The following EGFR variants were observed in gnomAD, a reference collection of about 807,000 sequenced individuals.
The protein encoded by EGFR is avian erythroblastic leukemia viral (v-erb-b) oncogene homolog.
EGFR carries 58 observed loss-of-function variants against 143.0 expected under a neutral mutation model. That is an observed-to-expected ratio of 0.41 (90% CI 0.33 to 0.50). EGFR has a LOEUF of 0.50. EGFR is among the 20% of genes least tolerant of loss of function. EGFR has a pLI of 0.39. For synonymous variants in EGFR, 613 were observed against 594.4 expected (o/e 1.03, Z -0.45); for missense variants, 1,307 against 1,579.0 (o/e 0.83, Z 2.92).
intron 1 of EGFR, among the ~76,000 whole-genome samples, chr7:55,090,543 A>C (rs1306127067): frequency 6.6e-6 from 1 of 152,212 alleles, no homozygotes; most frequent in Non-Finnish European, 1.5e-5. Flanking sequence ...GCATAACATG[A>C]AGGCATTTAA....
chr7:55,189,700 C>T (rs1787302179), intron 20 of EGFR, among the ~76,000 whole-genome samples: 1 of 152,170 alleles, frequency 6.6e-6, no homozygotes, highest in South Asian at 2.1e-4. Context: ...CACTCCTGCT[C>T]AACAGCTACC....
intron 1 of EGFR, among the ~76,000 whole-genome samples, chr7:55,124,495 A>G (rs1793402937): frequency 6.6e-6 from 1 of 152,222 alleles, no homozygotes; most frequent in African/African-American, 2.4e-5. Flanking sequence ...TTGAAAAACT[A>G]TAGAGGGCTT....
At chr7:55,088,054 AAC>A (rs3063038) in intron 1 of EGFR, among the ~76,000 whole-genome samples, 76,453 of 150,554 alleles carry the variant, frequency 0.51, 20,231 homozygotes, top group East Asian at 0.9. Flanking sequence ...TCAGGGTATA[AAC>A]ACACACACAC....
At chr7:55,127,819 AG>A (rs138278962) in intron 1 of EGFR, among the ~76,000 whole-genome samples, 2,496 of 152,308 alleles carry the variant, frequency 0.016, 76 homozygotes, top group African/African-American at 0.057. Flanking sequence ...GAAAAACAAA[AG>A]CTTGCTTCAG....
chr7:55,114,313 G>A (rs1792697643), intron 1 of EGFR, among the ~76,000 whole-genome samples: 1 of 152,142 alleles, frequency 6.6e-6, no homozygotes, highest in African/African-American at 2.4e-5. Context: ...GGGCAAGGCA[G>A]GAGGATCACT....
At chr7:55,174,640 T>G in intron 18 of EGFR, 82 bp from the exon 19 acceptor site, 1 of 1,203,180 alleles carries the variant, frequency 8.3e-7, no homozygotes, top group Non-Finnish European at 1.2e-6. Flanking sequence ...GCATCGCTGG[T>G]AACATCCACC....
chr7:55,076,739 A>G lies in EGFR; in HGVS notation c.88+57374A>G, dbSNP rs367657370. On this transcript the variant is annotated intron_variant, in intron 1 of 27. Transcript: ENST00000275493. Reference sequence around the variant, plus strand: ...CCTTTGAACTTCATTAGTAGAGCACATGGTTCATTCACTCCTGAAGAGTTC... The same window carrying G: ...CCTTTGAACTTCATTAGTAGAGCACGTGGTTCATTCACTCCTGAAGAGTTC... 7.9e-5 allele frequency among the ~76,000 whole-genome samples: 12 copies of G among 152,294 alleles called. No homozygotes were observed. In the East Asian group the frequency reaches 2.3e-3, roughly 29 times the overall value.
chr7:55,044,993 G>A (rs1788106848), intron 1 of EGFR, among the ~76,000 whole-genome samples: 1 of 152,130 alleles, frequency 6.6e-6, no homozygotes, highest in Admixed American at 6.6e-5. Flanking sequence ...AGACATTCCG[G>A]CCATCTAGAA....
At chr7:55,131,599 G>A (rs1196902256) in intron 1 of EGFR, among the ~76,000 whole-genome samples, 1 of 152,066 alleles carries the variant, frequency 6.6e-6, no homozygotes, top group Non-Finnish European at 1.5e-5. Context: ...TGGGCCCCTC[G>A]GACACTCCCT....
chr7:55,038,493 G>A (rs537114736), intron 1 of EGFR, among the ~76,000 whole-genome samples: 186 of 152,332 alleles, frequency 1.2e-3, no homozygotes, highest in Non-Finnish European at 2.2e-3. Flanking sequence ...CTGTGTGCTT[G>A]TGGGATGCAA....
intron 1 of EGFR, among the ~76,000 whole-genome samples, chr7:55,026,665 C>A (rs1338902471): frequency 6.6e-6 from 1 of 152,156 alleles, no homozygotes; most frequent in Non-Finnish European, 1.5e-5. Flanking sequence ...GATGCCTGCC[C>A]CAAGATAAAC....
intron 20 of EGFR, among the ~76,000 whole-genome samples, chr7:55,184,366 G>A (rs946266365): frequency 2.6e-5 from 4 of 152,132 alleles, no homozygotes; most frequent in Admixed American, 2.6e-4. Flanking sequence ...TCACATGCCC[G>A]CCATTGTTCC....
chr7:55,149,847 G>A (rs1794942618), intron 4 of EGFR, among the ~76,000 whole-genome samples: 1 of 152,140 alleles, frequency 6.6e-6, no homozygotes, highest in Non-Finnish European at 1.5e-5. Flanking sequence ...AATCATGTTA[G>A]ATAGAAGCAT....
intron 1 of EGFR, 48 bp from the exon 2 acceptor site, chr7:55,142,238 T>C (rs1383309709): frequency 6.2e-7 from 1 of 1,612,174 alleles, no homozygotes; most frequent in Non-Finnish European, 8.5e-7. Context: ...TATTTTAGTT[T>C]TTCTGCATTT....
At chr7:55,055,350 G>A (rs139077769) in intron 1 of EGFR, among the ~76,000 whole-genome samples, 1 of 152,300 alleles carries the variant, frequency 6.6e-6, no homozygotes, top group Non-Finnish European at 1.5e-5. Flanking sequence ...AAGCTCTCCA[G>A]TTGGTAATGC....
At chr7:55,120,779 T>C (rs1793154416) in intron 1 of EGFR, among the ~76,000 whole-genome samples, 2 of 152,176 alleles carry the variant, frequency 1.3e-5, no homozygotes, top group African/African-American at 4.8e-5. Context: ...GGGCTGCATA[T>C]TCCTATTTTT....
chr7:55,177,932 C>G (rs1217041876), intron 19 of EGFR, among the ~76,000 whole-genome samples: 1 of 152,242 alleles, frequency 6.6e-6, no homozygotes, highest in African/African-American at 2.4e-5. Flanking sequence ...GAACGGGACA[C>G]ACGACTGAAC....
intron 1 of EGFR, among the ~76,000 whole-genome samples, chr7:55,122,110 G>T (rs1793244091): frequency 6.6e-6 from 1 of 152,196 alleles, no homozygotes; most frequent in African/African-American, 2.4e-5. Context: ...CTCTCTAGGA[G>T]CCTCTGTGAC....
chr7:55,117,658 T>C (rs1441297324), intron 1 of EGFR, among the ~76,000 whole-genome samples: 1 of 152,192 alleles, frequency 6.6e-6, no homozygotes, highest in Non-Finnish European at 1.5e-5. Flanking sequence ...GATCAAGTCC[T>C]AGGCGGTATT....
Sources: allele counts gnomAD v4.1 joint callset (sites outside exome capture counted in the v4.1 genomes callset), GRCh38; gene constraint gnomAD v4.1.1; transcripts MANE v1.5; gene names NCBI Gene and HGNC (gene_info 2026-07-23, HGNC 2026-07-21).